Variants in TMEM45A observed in about 807,000 individuals in gnomAD.
TMEM45A encodes DNA polymerase-transactivated protein 4.
TMEM45A carries 25 observed loss-of-function variants against 32.0 expected under a neutral mutation model. The ratio of observed to expected loss-of-function variants is 0.78; its 90% CI spans 0.57 to 1.09. The LOEUF is 1.09. Ranked by LOEUF, TMEM45A falls within the 50% of genes least tolerant of loss-of-function variation. TMEM45A has a pLI of 0.00. For synonymous variants in TMEM45A, 122 were observed against 114.8 expected, an observed-to-expected ratio of 1.06 and a Z score of -0.40; for missense variants, 302 against 325.0, an observed-to-expected ratio of 0.93 and a Z score of 0.54.
intron 1 of TMEM45A, among the ~76,000 whole-genome samples, chr3:100,517,939 T>C (rs1403842376): frequency 6.6e-6 from 1 of 152,216 alleles, no homozygotes; most frequent in Non-Finnish European, 1.5e-5. Context: ...TACCTCCACC[T>C]CCAAGCCATC....
At chr3:100,562,486 T>C (rs1346488264) in intron 4 of TMEM45A, among the ~76,000 whole-genome samples, 1 of 152,212 alleles carries the variant, frequency 6.6e-6, no homozygotes, top group Non-Finnish European at 1.5e-5. Flanking sequence ...GCTAAAGAGA[T>C]TGGCGACGGG....
chr3:100,497,902 C>T (rs916438457), intron 1 of TMEM45A, among the ~76,000 whole-genome samples: 2 of 152,172 alleles, frequency 1.3e-5, no homozygotes, highest in Non-Finnish European at 2.9e-5. Context: ...AAACATTATC[C>T]TAAATGTTTC....
At chr3:100,561,207 C>T (rs1706323816) in intron 4 of TMEM45A, among the ~76,000 whole-genome samples, 1 of 152,192 alleles carries the variant, frequency 6.6e-6, no homozygotes, top group Non-Finnish European at 1.5e-5. Context: ...ATATATTATG[C>T]TTCCAGTCGG....
At chr3:100,545,872 C>T (rs9819246) in intron 1 of TMEM45A, among the ~76,000 whole-genome samples, 64,009 of 151,974 alleles carry the variant, frequency 0.42, 13,653 homozygotes, top group Middle Eastern at 0.49. Context: ...TGTCCTAATT[C>T]CTGGAACTTG....
At chr3:100,500,453 A>G (rs1287060311) in intron 1 of TMEM45A, among the ~76,000 whole-genome samples, 1 of 151,938 alleles carries the variant, frequency 6.6e-6, no homozygotes, top group East Asian at 1.9e-4. Flanking sequence ...TAACAGTGGT[A>G]TTGGGTTACA....
At chr3:100,561,249 C>A (rs755347800) in intron 4 of TMEM45A, among the ~76,000 whole-genome samples, 1 of 152,166 alleles carries the variant, frequency 6.6e-6, no homozygotes, top group Non-Finnish European at 1.5e-5. Flanking sequence ...TACAGCAAAA[C>A]GCTGTCTTAA....
chr3:100,498,675 C>T (rs796374174), intron 1 of TMEM45A, among the ~76,000 whole-genome samples: 14 of 152,192 alleles, frequency 9.2e-5, no homozygotes, highest in African/African-American at 2.6e-4. Flanking sequence ...AATAATGCTG[C>T]GATAAACATT....
intron 3 of TMEM45A, among the ~76,000 whole-genome samples, chr3:100,557,975 C>T (rs184401931): frequency 1.3e-5 from 2 of 152,324 alleles, no homozygotes; most frequent in African/African-American, 2.4e-5. Flanking sequence ...TCTGTGTGCT[C>T]ATCTGAATTA....
intron 1 of TMEM45A, among the ~76,000 whole-genome samples, chr3:100,532,749 A>T (rs1705668686): frequency 6.6e-6 from 1 of 152,196 alleles, no homozygotes; most frequent in Non-Finnish European, 1.5e-5. Flanking sequence ...CTGAATTAAG[A>T]TCCCAGCTTT....
chr3:100,563,644 G>A (rs544276461), intron 4 of TMEM45A, among the ~76,000 whole-genome samples: 1 of 152,262 alleles, frequency 6.6e-6, no homozygotes, highest in Admixed American at 6.5e-5. Context: ...CCCCAGCTTA[G>A]ATAACTGGGC....
In TMEM45A at chr3:100,544,366, C is replaced by G. The variant is rs188673795; in HGVS notation, c.-3-10843C>G. On this transcript the variant is annotated intron_variant, in intron 1 of 5. Coordinates refer to ENST00000323523, the MANE Select transcript of TMEM45A (RefSeq NM_018004.3). ...CTTCCCTTCTTTTCAATCAGCTTTA[C>G]TGAAGTGTAATTTACATGCAATAAA... is the stretch of plus-strand genomic sequence containing the variant. 4.6e-5 allele frequency among the ~76,000 whole-genome samples: 7 copies of G among 152,280 alleles called. No individual in the cohort carries two copies. The East Asian group carries it at 1.4e-3, about 29-fold the overall frequency.
intron 4 of TMEM45A, among the ~76,000 whole-genome samples, chr3:100,564,330 G>A (rs548864089): frequency 2.6e-5 from 4 of 152,300 alleles, no homozygotes; most frequent in Admixed American, 2.6e-4. Flanking sequence ...GAGACTGCAT[G>A]CTTCCACTCA....
rs1045661625 is a variant in TMEM45A, at chr3:100,515,255, T to G, written c.-4+22327T>G. Among the ~76,000 whole-genome samples the G allele has an allele frequency of 2.3e-4, 35 of 151,842 alleles. No homozygotes were observed. In the East Asian group the frequency reaches 4.7e-3, roughly 20 times the overall value. On this transcript the variant is annotated intron_variant, in intron 1 of 5. Coordinates refer to ENST00000323523, the MANE Select transcript of TMEM45A (RefSeq NM_018004.3). Reference sequence around the variant, plus strand: ...AATGTCCAACAATGATAGACTGGATTAAGAAAATGTGGCACATATACACCA... The same window carrying G: ...AATGTCCAACAATGATAGACTGGATGAAGAAAATGTGGCACATATACACCA...
chr3:100,516,766 TC>T (rs1708268535), intron 1 of TMEM45A, among the ~76,000 whole-genome samples: 1 of 152,208 alleles, frequency 6.6e-6, no homozygotes, highest in Non-Finnish European at 1.5e-5. Context: ...GGATCCTTCT[TC>T]AATTTTTCTG....
chr3:100,574,857 C>G lies in TMEM45A; in HGVS notation c.735-2068C>G, dbSNP rs1706648730. Among the ~76,000 whole-genome samples the G allele has an allele frequency of 1.3e-5, 2 of 152,126 alleles. 1 individual carries two copies. Among genetic ancestry groups the G allele is most frequent in the South Asian group, 4.1e-4 (2 of 4,820 alleles). On this transcript the variant is annotated intron_variant, in intron 5 of 5. Coordinates refer to ENST00000323523, the MANE Select transcript of TMEM45A (RefSeq NM_018004.3). ...TTGTTTTGAAATCATGTTTTATATA[C>G]TTTTCAATTTTACTGTCATATTGTT...
At chr3:100,567,422 T>C (rs759742792) in intron 4 of TMEM45A, among the ~76,000 whole-genome samples, 31 of 151,252 alleles carry the variant, frequency 2.0e-4, no homozygotes, top group Non-Finnish European at 3.2e-4. Flanking sequence ...CTCTGTAGTA[T>C]TGAAGTCCTC....
intron 4 of TMEM45A, among the ~76,000 whole-genome samples, chr3:100,561,353 G>A (rs908395949): frequency 6.6e-6 from 1 of 152,032 alleles, no homozygotes; most frequent in Non-Finnish European, 1.5e-5. Flanking sequence ...TAATACTTGT[G>A]CATGAACTGT....
chr3:100,508,079 A>C (rs1453025866), intron 1 of TMEM45A, among the ~76,000 whole-genome samples: 6 of 152,018 alleles, frequency 3.9e-5, no homozygotes, highest in South Asian at 2.1e-4. Flanking sequence ...GATCGGAGCC[A>C]GGAGAGACTC....
At chr3:100,509,651 C>T (rs1188848599) in intron 1 of TMEM45A, among the ~76,000 whole-genome samples, 2 of 152,212 alleles carry the variant, frequency 1.3e-5, no homozygotes, top group Non-Finnish European at 2.9e-5. Flanking sequence ...CAGTCTACAG[C>T]TCCCAGCGTG....
Sources: allele counts gnomAD v4.1 joint callset (sites outside exome capture counted in the v4.1 genomes callset), GRCh38; gene constraint gnomAD v4.1.1; transcripts MANE v1.5; gene names NCBI Gene and HGNC (gene_info 2026-07-23, HGNC 2026-07-21).